Variants in CDK19 observed in about 807,000 individuals in gnomAD.
The protein encoded by CDK19 is cyclin-dependent kinase 19.
A neutral mutation model predicts 68.3 loss-of-function variants in CDK19; 20 were observed. The observed-to-expected ratio is 0.29, with a 90% CI of 0.21 to 0.43. The LOEUF (loss-of-function observed/expected upper bound fraction) is 0.43. Ranked by LOEUF, CDK19 falls within the 20% of genes least tolerant of loss-of-function variation. The probability of loss-of-function intolerance (pLI) is 1.00; values close to 1 mark genes in which losing one functional copy is unlikely to be tolerated. For synonymous variants in CDK19, 221 were observed against 222.8 expected (o/e 0.99, Z 0.07); for missense variants, 339 against 623.5 (o/e 0.54, Z 4.86).
chr6:110,748,349 T>C (rs1308946509), intron 1 of CDK19, among the ~76,000 whole-genome samples: 2 of 152,196 alleles, frequency 1.3e-5, no homozygotes, highest in Non-Finnish European at 2.9e-5. Flanking sequence ...AGACTGAGCA[T>C]AGGCCTTTTA....
chr6:110,623,841 CACATATAT>C (rs1043267740), intron 8 of CDK19, among the ~76,000 whole-genome samples: 2 of 145,826 alleles, frequency 1.4e-5, no homozygotes, highest in South Asian at 2.1e-4. Context: ...CATATATATA[CACATATAT>C]ACATATATAT....
Position 110,635,396 on chromosome 6 carries a change from A to G in CDK19, c.515-3235T>C, listed in dbSNP as rs576377482. Among the ~76,000 whole-genome samples the G allele has an allele frequency of 5.9e-5, 9 of 152,220 alleles. No homozygotes were observed. The South Asian group carries it at 1.9e-3, about 31-fold the overall frequency. ...ACTTGGGCTGGATCCTGCAGGATGAATTATTTTGAATAGCAAAAGAGGAAG... is the reference window on the plus strand; with the variant it reads ...ACTTGGGCTGGATCCTGCAGGATGAGTTATTTTGAATAGCAAAAGAGGAAG... On this transcript the variant is annotated intron_variant, in intron 5 of 12. Coordinates refer to ENST00000368911, the MANE Select transcript of CDK19 (RefSeq NM_015076.5).
intron 1 of CDK19, among the ~76,000 whole-genome samples, chr6:110,778,569 A>G (rs1287653043): frequency 6.6e-6 from 1 of 152,250 alleles, no homozygotes; most frequent in African/African-American, 2.4e-5. Context: ...TTGTGTAAGC[A>G]ATCACACGTA....
intron 1 of CDK19, among the ~76,000 whole-genome samples, chr6:110,785,571 C>T (rs1781149458): frequency 6.6e-6 from 1 of 152,116 alleles, no homozygotes; most frequent in African/African-American, 2.4e-5. Flanking sequence ...ATTGTCTTCA[C>T]ATTGAGTCGG....
At chr6:110,660,969 C>T (rs1179723233) in intron 4 of CDK19, among the ~76,000 whole-genome samples, 1 of 152,190 alleles carries the variant, frequency 6.6e-6, no homozygotes, top group Non-Finnish European at 1.5e-5. Flanking sequence ...GCCTCCTGTC[C>T]CTATCAATAG....
At chr6:110,743,292 T>G (rs1481424191) in intron 2 of CDK19, among the ~76,000 whole-genome samples, 1 of 152,180 alleles carries the variant, frequency 6.6e-6, no homozygotes, top group African/African-American at 2.4e-5. Context: ...AAAATGCTAT[T>G]CAACCTAGAA....
chr6:110,618,712 A>T (rs889587069), intron 12 of CDK19, among the ~76,000 whole-genome samples: 2 of 152,124 alleles, frequency 1.3e-5, no homozygotes, highest in Non-Finnish European at 2.9e-5. Flanking sequence ...TTGTTCTGAG[A>T]CACTGCTAGT....
rs1188807727 is a variant in CDK19 at position 110,610,724 on chromosome 6, AG to A, written c.*3810del. 1 of 152,144 alleles carries A rather than the reference AG, an allele frequency of 6.6e-6. No homozygotes were observed. Among genetic ancestry groups the A allele is most frequent in the Non-Finnish European group, 1.5e-5 (1 of 67,998 alleles). 9.4% of individuals were successfully genotyped at this position (152,144 alleles called of 1,614,324 possible). On this transcript the variant is annotated 3_prime_UTR_variant, in exon 13 of 13. Transcript: ENST00000368911. ...ATTTCACTGCCTTTCTCTACTCCCT[AG>A]GAAGACATCATCATAGAGTTTTGGA... is the stretch of plus-strand genomic sequence containing the variant.
chr6:110,736,447 A>G (rs1270488004), intron 2 of CDK19, among the ~76,000 whole-genome samples: 2 of 152,226 alleles, frequency 1.3e-5, no homozygotes, highest in Non-Finnish European at 2.9e-5. Context: ...TGGAATCCAG[A>G]TACAACCCCA....
intron 1 of CDK19, among the ~76,000 whole-genome samples, chr6:110,794,848 A>G (rs1781836576): frequency 6.6e-6 from 1 of 152,198 alleles, no homozygotes; most frequent in Admixed American, 6.6e-5. Flanking sequence ...AAGAGTAGGA[A>G]ATTAAGATGA....
Position 110,746,205 on chromosome 6 carries a change from C to T in CDK19, c.129-4G>A, listed in dbSNP as rs1690291797. ...TGCATATTCCTTTTCATCTTTTCTG[C>T]ACATAAACAAAAAAACATCATTTTT... On this transcript the variant is annotated splice_region_variant and splice_polypyrimidine_tract_variant and intron_variant, in intron 1 of 12. Transcript: ENST00000368911. 1 of 1,571,906 alleles carries T rather than the reference C, an allele frequency of 6.4e-7. No homozygotes were observed. The highest frequency in any genetic ancestry group is 8.7e-7 in the Non-Finnish European group (1 of 1,154,212).
Position 110,717,121 on chromosome 6 carries a change from C to G in CDK19, c.204+29005G>C, listed in dbSNP as rs953536426. On this transcript the variant is annotated intron_variant, in intron 2 of 12. Coordinates refer to ENST00000368911, the MANE Select transcript of CDK19 (RefSeq NM_015076.5). ...TCAGCCTGGGCAACAGAGCAAGACT[C>G]TCTCTCAAAAATAAATAATAAATAA... is the stretch of plus-strand genomic sequence containing the variant. Among the ~76,000 whole-genome samples, 3 of 152,018 alleles carry G rather than the reference C, an allele frequency of 2.0e-5. No individual in the cohort carries two copies. The East Asian group carries it at 5.8e-4, about 29-fold the overall frequency.
chr6:110,798,733 C>T (rs12664040), intron 1 of CDK19, among the ~76,000 whole-genome samples: 1 of 150,302 alleles, frequency 6.7e-6, no homozygotes, highest in Non-Finnish European at 1.5e-5. Flanking sequence ...AAAAAAAATT[C>T]TTAATATTTA....
chr6:110,610,118 T>G lies in CDK19; in HGVS notation c.*4417A>C, dbSNP rs940839302. 6 of 152,342 alleles carry G rather than the reference T, an allele frequency of 3.9e-5. No individual in the cohort carries two copies. The South Asian group carries it at 1.0e-3, about 26-fold the overall frequency. 9.4% of individuals were successfully genotyped at this position (152,342 alleles called of 1,614,324 possible). ...CTCGCTCCAAAGCAGTAGCTCGTCCTGCACTCCATGGAGCAGGCCTCGCTG... is the reference window on the plus strand; with the variant it reads ...CTCGCTCCAAAGCAGTAGCTCGTCCGGCACTCCATGGAGCAGGCCTCGCTG... On this transcript the variant is annotated 3_prime_UTR_variant, in exon 13 of 13. Transcript: ENST00000368911.
rs186276690 is a variant in CDK19, at chr6:110,811,861, A to G, written c.128+3148T>C. Among the ~76,000 whole-genome samples, 317 of 151,560 alleles carry G rather than the reference A, an allele frequency of 2.1e-3. 2 individuals are homozygous for G. The highest frequency in any genetic ancestry group is 7.2e-3 in the African/African-American group (294 of 41,064). ...TGTCTGTAAAACGAAAAAACAAAAAAAGAACAACTTTTAAACCGGATTTTT... is the reference window on the plus strand; with the variant it reads ...TGTCTGTAAAACGAAAAAACAAAAAGAGAACAACTTTTAAACCGGATTTTT... On this transcript the variant is annotated intron_variant, in intron 1 of 12. Coordinates refer to ENST00000368911, the MANE Select transcript of CDK19 (RefSeq NM_015076.5).
intron 4 of CDK19, among the ~76,000 whole-genome samples, chr6:110,657,997 A>C (rs1431109489): frequency 4.6e-5 from 7 of 152,220 alleles, no homozygotes; most frequent in African/African-American, 1.7e-4. Flanking sequence ...TGATGAAAAA[A>C]ACTGTCATGC....
At chr6:110,654,192 A>G (rs572053747) in intron 4 of CDK19, among the ~76,000 whole-genome samples, 1 of 152,346 alleles carries the variant, frequency 6.6e-6, no homozygotes, top group East Asian at 1.9e-4. Context: ...ATACATTCCC[A>G]GGAAAAAACC....
intron 2 of CDK19, among the ~76,000 whole-genome samples, chr6:110,691,481 AAAAG>A (rs1358382699): frequency 1.3e-5 from 2 of 151,726 alleles, no homozygotes; most frequent in Non-Finnish European, 2.9e-5. Context: ...CTCAAAAAAA[AAAAG>A]AAAGAAAACC....
intron 4 of CDK19, among the ~76,000 whole-genome samples, chr6:110,661,447 T>TTTTA (rs58567462): frequency 0.56 from 84,019 of 151,312 alleles, 25,033 homozygotes; most frequent in East Asian, 0.87. Context: ...TTCTTTTTTA[T>TTTTA]TTTATTTATT....
Sources: gnomAD v4.1 joint callset for allele counts (sites outside exome capture counted in the v4.1 genomes callset) on GRCh38, gnomAD v4.1.1 for gene constraint, MANE v1.5 for transcripts, NCBI Gene and HGNC (gene_info 2026-07-23, HGNC 2026-07-21) for gene names.